Variants in LAMC1 observed in about 807,000 individuals in gnomAD.
LAMC1 encodes the protein laminin subunit gamma 1.
LAMC1 carries 38 observed loss-of-function variants against 173.6 expected under a neutral mutation model. The observed-to-expected ratio is 0.22, with a 90% CI of 0.17 to 0.29. LAMC1 has a LOEUF of 0.29. Ranked by LOEUF, LAMC1 falls within the 10% of genes least tolerant of loss-of-function variation. The probability of loss-of-function intolerance (pLI) is 1.00; values close to 1 mark genes in which losing one functional copy is unlikely to be tolerated. For synonymous variants in LAMC1, 746 were observed against 749.1 expected (o/e 1.00, Z 0.07); for missense variants, 1,824 against 2,051.8 (o/e 0.89, Z 2.14).
chr1:183,122,641 A>C (rs923958868), intron 13 of LAMC1, among the ~76,000 whole-genome samples: 16 of 152,106 alleles, frequency 1.1e-4, no homozygotes, highest in African/African-American at 3.9e-4. Flanking sequence ...TTGCCTTTCC[A>C]CATCCCTGTT....
At chr1:183,117,054 T>TC (rs1656342934) in intron 8 of LAMC1, 151 bp downstream of exon 8, 1 of 854,008 alleles carries the variant, frequency 1.2e-6, no homozygotes, top group East Asian at 2.7e-5. Context: ...GTTTGGCCTT[T>TC]TAATTTAATG....
intron 1 of LAMC1, among the ~76,000 whole-genome samples, chr1:183,031,299 GCTT>G (rs781540550): frequency 3.3e-5 from 5 of 152,104 alleles, no homozygotes; most frequent in Non-Finnish European, 7.4e-5. Context: ...AGCAACAGTT[GCTT>G]CTTTTTTTTC....
At chr1:183,096,931 G>A (rs1159329422) in intron 1 of LAMC1, among the ~76,000 whole-genome samples, 1 of 152,202 alleles carries the variant, frequency 6.6e-6, no homozygotes, top group Non-Finnish European at 1.5e-5. Flanking sequence ...AGCATCTGGA[G>A]TGACTGCACT....
intron 18 of LAMC1, 71 bp from the exon 19 acceptor site, chr1:183,130,273 C>G (rs1254124605): frequency 7.4e-7 from 1 of 1,349,500 alleles, no homozygotes; most frequent in Non-Finnish European, 1.1e-6. Context: ...TACATAGGGC[C>G]TCAGATTTCA....
chr1:183,136,983 C>G (rs998851441), intron 25 of LAMC1, among the ~76,000 whole-genome samples: 2 of 152,102 alleles, frequency 1.3e-5, no homozygotes, highest in African/African-American at 4.8e-5. Context: ...AAGTATATTG[C>G]CATATGTAAG....
rs762780879 is a variant in LAMC1, at chr1:183,122,096, C to T, written c.2246C>T (p.Pro749Leu). The change falls in exon 13 of 28, where the codon CCG (proline) becomes CTG (leucine). Residue 749 changes from proline (P) to leucine (L), a missense_variant. By Grantham distance (98) the Pro-to-Leu change is moderately conservative. Transcript: ENST00000258341. ...AACTGCAGAGACAATACGGCTGGCCCGCACTGTGAGAAGTGCAGTGATGGG... is the reference window on the plus strand; with the variant it reads ...AACTGCAGAGACAATACGGCTGGCCTGCACTGTGAGAAGTGCAGTGATGGG... Reference protein sequence around the residue: ...VCNCRDNTAGPHCEKCSDGYY... With the variant: ...VCNCRDNTAGLHCEKCSDGYY... 1.1e-5 allele frequency: 18 copies of T among 1,614,102 alleles called. No individual in the cohort carries two copies. Among genetic ancestry groups the T allele is most frequent in the Middle Eastern group, 1.6e-4 (1 of 6,062 alleles).
Position 183,023,695 on chromosome 1 carries a change from G to T in LAMC1, c.-22G>T. On this transcript the variant is annotated 5_prime_UTR_variant, in exon 1 of 28. Transcript: ENST00000258341. ...GCGCCGGTGCCCTTGCCTTCGCCGTGACCCAGCGTGCGGGCGGCGGGATGA... is the reference window on the plus strand; with the variant it reads ...GCGCCGGTGCCCTTGCCTTCGCCGTTACCCAGCGTGCGGGCGGCGGGATGA... 3.4e-6 allele frequency: 4 copies of T among 1,170,992 alleles called. No individual in the cohort carries two copies. In the South Asian group the frequency reaches 1.7e-4, roughly 50 times the overall value. The allele number at this position is 1,170,992 out of a possible 1,614,324, so 72.5% of individuals were successfully genotyped here. A position where few individuals can be genotyped will look rare whatever the true frequency, so the allele number is the denominator to read the frequency against.
chr1:183,024,872 T>C (rs1313818692), intron 1 of LAMC1, among the ~76,000 whole-genome samples: 1 of 152,158 alleles, frequency 6.6e-6, no homozygotes, highest in Non-Finnish European at 1.5e-5. Flanking sequence ...TAGAAACACG[T>C]GTAAGTGATG....
chr1:183,107,813 G>A (rs769867319), intron 2 of LAMC1, among the ~76,000 whole-genome samples: 1 of 151,940 alleles, frequency 6.6e-6, no homozygotes, highest in Non-Finnish European at 1.5e-5. Context: ...CAGGGCGACA[G>A]AACGAGACTC....
At chr1:183,096,986 G>A (rs957290610) in intron 1 of LAMC1, among the ~76,000 whole-genome samples, 4 of 152,158 alleles carry the variant, frequency 2.6e-5, no homozygotes, top group Admixed American at 2.0e-4. Flanking sequence ...TAGTTGTTCT[G>A]TAGTGCTTCC....
chr1:183,112,802 A>C (rs1413305412), intron 4 of LAMC1, among the ~76,000 whole-genome samples: 2 of 152,156 alleles, frequency 1.3e-5, no homozygotes, highest in East Asian at 3.9e-4. Context: ...ACAAAACTCT[A>C]ATTTTTGGTG....
chr1:183,132,358 A>T, intron 20 of LAMC1, 42 bp from the exon 21 acceptor site: 1 of 1,522,372 alleles, frequency 6.6e-7, no homozygotes, highest in Non-Finnish European at 9.0e-7. Context: ...TGTCCCTATC[A>T]GATGGTTGTT....
At chr1:183,064,601 AGTG>A (rs1308420318) in intron 1 of LAMC1, among the ~76,000 whole-genome samples, 1 of 152,192 alleles carries the variant, frequency 6.6e-6, no homozygotes, top group Non-Finnish European at 1.5e-5. Context: ...CAGTGGCCGT[AGTG>A]GTGTTGGGTT....
chr1:183,127,169 A>C, intron 16 of LAMC1, 57 bp from the exon 17 acceptor site: 2 of 1,511,348 alleles, frequency 1.3e-6, no homozygotes, highest in Non-Finnish European at 1.8e-6. Flanking sequence ...GTCTGAATTA[A>C]GAGATATACT....
Position 183,127,245 on chromosome 1 carries a change from G to A in LAMC1, c.2964G>A (p.Glu988=), listed in dbSNP as rs756696124. The change falls in exon 17 of 28, where the codon GAG becomes GAA. Residue 988 remains glutamate (E), a synonymous_variant. Coordinates refer to ENST00000258341, the MANE Select transcript of LAMC1 (RefSeq NM_002293.4). Reference sequence around the variant, plus strand: ...CTGCAGCCTGTGACTGTCATCCTGAGGGATCTCTTTCACTTCAGTGCAAAG... The same window carrying A: ...CTGCAGCCTGTGACTGTCATCCTGAAGGATCTCTTTCACTTCAGTGCAAAG... The part of the protein sequence containing the change: ...EGCKPCDCHP[E]GSLSLQCKDD... The A allele has an allele frequency of 9.3e-6, 15 of 1,613,936 alleles. No individual in the cohort carries two copies. In the South Asian group the frequency reaches 1.6e-4, roughly 18 times the overall value.
intron 26 of LAMC1, among the ~76,000 whole-genome samples, chr1:183,140,157 T>C (rs1057495027): frequency 6.8e-6 from 1 of 146,328 alleles, no homozygotes; most frequent in Non-Finnish European, 1.5e-5. Flanking sequence ...AGTGAGTTAG[T>C]GAGTGTAGGC....
At chr1:183,125,633 T>C (rs1656599628) in intron 15 of LAMC1, 83 bp downstream of exon 15, 2 of 1,079,284 alleles carry the variant, frequency 1.9e-6, no homozygotes, top group African/African-American at 3.2e-5. Flanking sequence ...ATTTAATAAT[T>C]GACTGTTCAG....
intron 1 of LAMC1, among the ~76,000 whole-genome samples, chr1:183,100,135 A>G (rs1655796335): frequency 6.6e-6 from 1 of 152,166 alleles, no homozygotes; most frequent in Non-Finnish European, 1.5e-5. Context: ...ATCAGTTACT[A>G]AGTTACTATT....
intron 1 of LAMC1, among the ~76,000 whole-genome samples, chr1:183,058,124 G>A (rs540871569): frequency 1.4e-4 from 22 of 152,190 alleles, no homozygotes; most frequent in African/African-American, 4.1e-4. Context: ...CTAAAAGTTC[G>A]TCTCTATTGG....
Sources: gnomAD v4.1 joint callset for allele counts (sites outside exome capture counted in the v4.1 genomes callset) on GRCh38, gnomAD v4.1.1 for gene constraint, MANE v1.5 for transcripts, NCBI Gene and HGNC (gene_info 2026-07-23, HGNC 2026-07-21) for gene names.